The following SOX6 variants were observed in gnomAD, a reference collection of about 807,000 sequenced individuals.
The protein encoded by SOX6 is SRY-box transcription factor 6.
In SOX6, 11 loss-of-function variants were observed where a neutral mutation model predicts 97.8. The ratio of observed to expected loss-of-function variants is 0.11; its 90% confidence interval spans 0.07 to 0.19. The LOEUF is 0.19. Among genes scored for constraint, SOX6 ranks in the 10% least tolerant of loss-of-function variants. The pLI, the probability that SOX6 is intolerant of heterozygous loss-of-function variation, is 1.00. For missense variants in SOX6, 810 were observed against 1,039.5 expected, an observed-to-expected ratio of 0.78 and a Z score of 3.04; for synonymous variants, 360 against 371.4, an observed-to-expected ratio of 0.97 and a Z score of 0.35.
At chr11:16,116,063 G>T (rs573214412) in intron 6 of SOX6, among the ~76,000 whole-genome samples, 94 of 152,192 alleles carry the variant, frequency 6.2e-4, no homozygotes, top group Non-Finnish European at 1.2e-3. Flanking sequence ...TAAGTAAAAT[G>T]ATGTAAAAAC....
intron 11 of SOX6, 36 bp downstream of exon 11, chr11:16,049,719 C>T (rs991588788): frequency 5.6e-6 from 9 of 1,611,034 alleles, no homozygotes; most frequent in African/African-American, 5.3e-5. Context: ...TTACCTAATT[C>T]GTAAGTCTCT....
chr11:16,452,469 T>C (rs79767339), intron 1 of SOX6, among the ~76,000 whole-genome samples: 5,166 of 152,340 alleles, frequency 0.034, 261 homozygotes, highest in African/African-American at 0.11. Flanking sequence ...ACAAAGACTA[T>C]ACAAGAATGA....
intron 1 of SOX6, among the ~76,000 whole-genome samples, chr11:16,354,828 C>T (rs1857033937): frequency 6.6e-6 from 1 of 152,018 alleles, no homozygotes; most frequent in Admixed American, 6.6e-5. Flanking sequence ...GAATACCTTT[C>T]AAAGCCTGAT....
At chr11:16,681,575 C>T (rs1198438534) in intron 3 of SOX6, among the ~76,000 whole-genome samples, 1 of 152,042 alleles carries the variant, frequency 6.6e-6, no homozygotes, top group Non-Finnish European at 1.5e-5. Flanking sequence ...CAAACAAATT[C>T]AAAAGCTAGC....
At chr11:16,034,909 C>T (rs1028233462) in intron 12 of SOX6, among the ~76,000 whole-genome samples, 7 of 152,090 alleles carry the variant, frequency 4.6e-5, no homozygotes, top group Non-Finnish European at 8.8e-5. Context: ...ACTACAGATG[C>T]ATAGTCGGAT....
chr11:16,704,816 C>T (rs1394568909), intron 3 of SOX6, among the ~76,000 whole-genome samples: 1 of 152,138 alleles, frequency 6.6e-6, no homozygotes, highest in Non-Finnish European at 1.5e-5. Context: ...TCTGGATAAA[C>T]TAGGTTACAA....
intron 4 of SOX6, among the ~76,000 whole-genome samples, chr11:16,583,634 T>TAC (rs1382548318): frequency 4.7e-5 from 4 of 85,910 alleles, no homozygotes; most frequent in Non-Finnish European, 9.1e-5. Flanking sequence ...TATATATATA[T>TAC]ATACACATAC....
upstream of SOX6, among the ~76,000 whole-genome samples, chr11:16,480,530 C>A (rs1342207322): frequency 6.6e-6 from 1 of 151,968 alleles, no homozygotes; most frequent in Admixed American, 6.6e-5. Flanking sequence ...AGGTAAATAG[C>A]AAATAAAAAC....
chr11:16,563,004 A>G (rs1284942191), intron 4 of SOX6, among the ~76,000 whole-genome samples: 4 of 152,226 alleles, frequency 2.6e-5, no homozygotes. Context: ...TCATAATAAA[A>G]AACAAAAATA....
chr11:16,485,512 A>T (rs1226312260), intron 4 of SOX6, among the ~76,000 whole-genome samples: 2 of 152,042 alleles, frequency 1.3e-5, no homozygotes, highest in Admixed American at 6.5e-5. Context: ...TGGGCAAGTC[A>T]TGAGGTCAGG....
intron 6 of SOX6, among the ~76,000 whole-genome samples, chr11:16,147,269 G>A (rs1268055234): frequency 1.3e-5 from 2 of 152,032 alleles, no homozygotes; most frequent in Non-Finnish European, 2.9e-5. Context: ...ACCAAACACT[G>A]CATGTTCTCA....
chr11:16,521,339 G>A (rs972738147), intron 4 of SOX6, among the ~76,000 whole-genome samples: 1 of 152,154 alleles, frequency 6.6e-6, no homozygotes, highest in Non-Finnish European at 1.5e-5. Flanking sequence ...CCACTGTTCT[G>A]CTGCCACCAC....
chr11:16,189,398 A>C (rs912744364), intron 4 of SOX6, among the ~76,000 whole-genome samples: 1 of 143,676 alleles, frequency 7.0e-6, no homozygotes, highest in Non-Finnish European at 1.5e-5. Flanking sequence ...CGCTATAGGC[A>C]AAGGTCATGT....
At chr11:16,164,083 C>A (rs1850824108) in intron 6 of SOX6, among the ~76,000 whole-genome samples, 1 of 152,110 alleles carries the variant, frequency 6.6e-6, no homozygotes, top group Non-Finnish European at 1.5e-5. Context: ...AACTCCCAGG[C>A]TCAAGTGATC....
At chr11:16,260,041 C>G (rs1338083980) in intron 3 of SOX6, among the ~76,000 whole-genome samples, 2 of 151,644 alleles carry the variant, frequency 1.3e-5, no homozygotes, top group Non-Finnish European at 2.9e-5. Context: ...TCGCTGTCAT[C>G]CAGCTTGGAG....
rs10712410 is a variant in SOX6, at chr11:16,595,603, C to CA, written n.609+16477dup. Among the ~76,000 whole-genome samples the CA allele has an allele frequency of 3.1e-3, 351 of 113,820 alleles. 1 individual carries two copies. Among genetic ancestry groups the CA allele is most frequent in the South Asian group, 9.2e-3 (31 of 3,358 alleles). 74.7% of individuals were successfully genotyped at this position (113,820 alleles called of 152,430 possible). A position where few individuals can be genotyped will look rare whatever the true frequency, so the allele number is the denominator to read the frequency against. Reference sequence around the variant, plus strand: ...CTGGGCAACAAGATACCACCTCTACCAAAAAAAAAAAAAAAAAAAAAATTA... The same window carrying CA: ...CTGGGCAACAAGATACCACCTCTACCAAAAAAAAAAAAAAAAAAAAAAATTA... On this transcript the variant is annotated intron_variant and non_coding_transcript_variant, in intron 4 of 5. Coordinates refer to the SOX6 transcript ENST00000524520.
At chr11:16,139,937 A>T (rs1850083482) in intron 6 of SOX6, among the ~76,000 whole-genome samples, 2 of 145,672 alleles carry the variant, frequency 1.4e-5, no homozygotes, top group Admixed American at 1.4e-4. Flanking sequence ...AAAGTAAAAA[A>T]CCTGGCTCAT....
chr11:16,221,097 G>A (rs1206654782), intron 4 of SOX6, among the ~76,000 whole-genome samples: 1 of 151,938 alleles, frequency 6.6e-6, no homozygotes, highest in African/African-American at 2.4e-5. Flanking sequence ...AGATCCCTGG[G>A]AATCCCAGAG....
rs191744791 is a variant in SOX6, at chr11:16,410,968, G to A, written c.-5+65347C>T. Among the ~76,000 whole-genome samples the A allele has an allele frequency of 4.5e-3, 677 of 150,668 alleles. 4 individuals carry two copies. The highest frequency in any genetic ancestry group is 0.016 in the African/African-American group (656 of 40,990). The stretch of plus-strand genomic sequence containing the variant: ...ATCCTATGAACAACTTAGGGTAGGG[G>A]AGATAGTGAGTGACTGAAAAAAAAA... On this transcript the variant is annotated intron_variant, in intron 1 of 15. Transcript: ENST00000396356.
Sources: allele counts gnomAD v4.1 joint callset (sites outside exome capture counted in the v4.1 genomes callset), GRCh38; gene constraint gnomAD v4.1.1; transcripts MANE v1.5; gene names NCBI Gene and HGNC (gene_info 2026-07-23, HGNC 2026-07-21).